DACT1: variants seen among roughly 807,000 people sequenced by gnomAD.
DACT1 encodes dishevelled binding antagonist of beta catenin 1, also known as dapper homolog 1.
In DACT1, 19 loss-of-function variants were observed where a neutral mutation model predicts 35.3. That is an observed-to-expected ratio of 0.54 (90% CI 0.38 to 0.79). The LOEUF is 0.79. DACT1 is among the 30% of genes least tolerant of loss of function. The pLI, the probability that DACT1 is intolerant of heterozygous loss-of-function variation, is 0.00. For missense variants in DACT1, 1,143 were observed against 1,057.5 expected, an observed-to-expected ratio of 1.08 and a Z score of -1.12; for synonymous variants, 545 against 466.7, an observed-to-expected ratio of 1.17 and a Z score of -2.16.
chr14:58,634,525 C>T (rs1382102675), upstream of DACT1, among the ~76,000 whole-genome samples: 35 of 152,188 alleles, frequency 2.3e-4, no homozygotes, highest in Admixed American at 2.3e-3. Flanking sequence ...GCATTAGACT[C>T]AAATGGGCTT....
rs2047589708 is a variant in DACT1, at chr14:58,638,073, A to G, written c.-130A>G. On this transcript the variant is annotated 5_prime_UTR_variant, in exon 1 of 4. Coordinates refer to ENST00000395153, the MANE Select transcript of DACT1 (RefSeq NM_001079520.2). ...GCGCAGGACTCGAGGGCTTCTAGCCACCGTCCCCGCCAGCGCCGCGCCCCG... is the reference window on the plus strand; with the variant it reads ...GCGCAGGACTCGAGGGCTTCTAGCCGCCGTCCCCGCCAGCGCCGCGCCCCG... The G allele has an allele frequency of 9.8e-7, 1 of 1,019,062 alleles. No homozygotes were observed. The highest frequency in any genetic ancestry group is 1.2e-6 in the Non-Finnish European group (1 of 806,496). The allele number at this position is 1,019,062 out of a possible 1,614,324, so 63.1% of individuals were successfully genotyped here. A position where few individuals can be genotyped will look rare whatever the true frequency, so the allele number is the denominator to read the frequency against.
At chr14:58,637,826 G>C (rs1461710615), upstream of DACT1, among the ~76,000 whole-genome samples, 1 of 151,868 alleles carries the variant, frequency 6.6e-6, no homozygotes, top group Non-Finnish European at 1.5e-5. Flanking sequence ...GGCGGCTCTG[G>C]GGGCCGGGCG....
chr14:58,645,604 G>T lies in DACT1; in HGVS notation c.870G>T (p.Trp290Cys), dbSNP rs1364120911. The change falls in exon 4 of 4, where the codon TGG becomes TGT. Residue 290 changes from tryptophan to cysteine, a missense_variant. By Grantham distance (215) the Trp-to-Cys change is radical. Transcript: ENST00000395153. ...DSSLPSPSSL[W>C]SASHPSSSKK... ...CCTTACCGTCCCCAAGCAGTCTGTG[G>T]TCTGCTTCCCATCCTTCATCCAGCA... The T allele has an allele frequency of 1.2e-6, 2 of 1,614,174 alleles. No homozygotes were observed. The highest frequency in any genetic ancestry group is 1.7e-5 in the Admixed American group (1 of 60,028).
chr14:58,646,995 T>C lies in DACT1; in HGVS notation c.2261T>C (p.Leu754Pro). The C allele has an allele frequency of 1.2e-6, 2 of 1,614,190 alleles. No individual in the cohort carries two copies. Among genetic ancestry groups the C allele is most frequent in the Non-Finnish European group, 1.7e-6 (2 of 1,180,034 alleles). The change falls in exon 4 of 4, where the codon CTG becomes CCG. Residue 754 changes from leucine (L) to proline (P), a missense_variant. Physicochemically the swap from Leu to Pro is moderately conservative, Grantham distance 98. Transcript: ENST00000395153. ...ATTTGGTCCCAGTTTGTCCAGACTC[T>C]GCCCATTCAAACGGTAACGGCCCCA... ...GLIWSQFVQTLPIQTVTAPDL... is the reference protein window; with the variant it reads ...GLIWSQFVQTPPIQTVTAPDL...
At chr14:58,642,040 G>C in intron 3 of DACT1, among the ~76,000 whole-genome samples, 1 of 152,180 alleles carries the variant, frequency 6.6e-6, no homozygotes. Context: ...AGCCTTTGCT[G>C]TTAGGTTGTC....
chr14:58,638,904 CA>C, intron 1 of DACT1: 1 of 1,024,894 alleles, frequency 9.8e-7, no homozygotes, highest in Non-Finnish European at 1.2e-6. Flanking sequence ...CAGCGGTTTG[CA>C]AACTCCCACT....
intron 3 of DACT1, among the ~76,000 whole-genome samples, chr14:58,642,550 C>T (rs544537138): frequency 3.0e-4 from 45 of 151,716 alleles, no homozygotes; most frequent in Non-Finnish European, 5.4e-4. Flanking sequence ...AAAAATCGGC[C>T]GGGTGTGGCA....
In DACT1 at chr14:58,647,328, T is replaced by G; in HGVS notation, c.*194T>G. 1 of 678,124 alleles carries G rather than the reference T, an allele frequency of 1.5e-6. No homozygotes were observed. The highest frequency in any genetic ancestry group is 2.9e-5 in the East Asian group (1 of 34,340). 42.0% of individuals were successfully genotyped at this position (678,124 alleles called of 1,614,324 possible). ...CCTTTAATGGAAGGTAAAGAATGTT[T>G]TGCTAGTTAGAAGTACATATTGAGG... On this transcript the variant is annotated 3_prime_UTR_variant, in exon 4 of 4. Coordinates refer to ENST00000395153, the MANE Select transcript of DACT1 (RefSeq NM_001079520.2).
chr14:58,637,510 G>GA (rs1370218456), upstream of DACT1, among the ~76,000 whole-genome samples: 1 of 152,238 alleles, frequency 6.6e-6, no homozygotes, highest in Non-Finnish European at 1.5e-5. Context: ...GGTGTGAGTG[G>GA]AAATGAGGAG....
At chr14:58,637,294 C>A (rs2047579582), upstream of DACT1, among the ~76,000 whole-genome samples, 1 of 152,260 alleles carries the variant, frequency 6.6e-6, no homozygotes, top group Non-Finnish European at 1.5e-5. Flanking sequence ...TCTCGCTATA[C>A]AACGACATCC....
chr14:58,634,638 T>C (rs377196993), upstream of DACT1, among the ~76,000 whole-genome samples: 3 of 152,360 alleles, frequency 2.0e-5, no homozygotes, highest in East Asian at 5.8e-4. Flanking sequence ...GAGACAGCTT[T>C]TCCCAATTAC....
Position 58,647,019 on chromosome 14 carries a change from C to T in DACT1, c.2285C>T (p.Pro762Leu), listed in dbSNP as rs1247758497. ...CTGCCCATTCAAACGGTAACGGCCCCAGACCTTCACAACCACCCCGCAAAA... is the reference window on the plus strand; with the variant it reads ...CTGCCCATTCAAACGGTAACGGCCCTAGACCTTCACAACCACCCCGCAAAA... ...QTLPIQTVTA[P>L]DLHNHPAKTF... Residue 762 changes from proline (P) to leucine (L), a missense_variant, in exon 4 of 4, where the codon CCA (proline) becomes CTA (leucine). By Grantham distance (98) the Pro-to-Leu change is moderately conservative (BLOSUM62 -3). This residue lies in a region of DACT1 where 1,054 missense variants were observed against 958.8 expected (regional missense o/e 1.10). Coordinates refer to ENST00000395153, the MANE Select transcript of DACT1 (RefSeq NM_001079520.2). 6.2e-7 allele frequency: 1 copy of T among 1,614,194 alleles called. No individual in the cohort carries two copies. Among genetic ancestry groups the T allele is most frequent in the Non-Finnish European group, 8.5e-7 (1 of 1,180,038 alleles).
In DACT1 at chr14:58,645,467, A is replaced by T. The variant is rs201587878; in HGVS notation, c.733A>T (p.Met245Leu). The T allele has an allele frequency of 1.2e-5, 19 of 1,614,076 alleles. No individual in the cohort carries two copies. Among genetic ancestry groups the T allele is most frequent in the Non-Finnish European group, 1.5e-5 (18 of 1,180,040 alleles). ...PLHAVAVQSP[M>L]FLLCLTGNPL... is the part of the protein sequence containing the mutation. ...TCATGCTGTGGCTGTGCAGAGCCCA[A>T]TGTTTCTCCTTTGTCTGACGGGCAA... The change falls in exon 4 of 4, where the codon ATG (methionine) becomes TTG (leucine). Residue 245 changes from methionine (M) to leucine (L), a missense_variant. This residue lies in a region of DACT1 where 1,054 missense variants were observed against 958.8 expected (regional missense o/e 1.10). Transcript: ENST00000395153.
At chr14:58,637,785 A>AGGGGCGC (rs1278611136), upstream of DACT1, among the ~76,000 whole-genome samples, 2 of 62,794 alleles carry the variant, frequency 3.2e-5, no homozygotes, top group African/African-American at 5.5e-5. Context: ...GGGAGGGGCG[A>AGGGGCGC]GGAGGGGCGG....
At chr14:58,639,939 TTG>T (rs1203080269) in intron 1 of DACT1, among the ~76,000 whole-genome samples, 1 of 152,274 alleles carries the variant, frequency 6.6e-6, no homozygotes, top group Admixed American at 6.5e-5. Flanking sequence ...CGCATTCCTA[TTG>T]TCCGCTTGAG....
Position 58,645,796 on chromosome 14 carries a change from C to A in DACT1, c.1062C>A (p.Asn354Lys). The A allele has an allele frequency of 6.2e-7, 1 of 1,614,244 alleles. No homozygotes were observed. Among genetic ancestry groups the A allele is most frequent in the African/African-American group, 1.3e-5 (1 of 75,070 alleles). Residue 354 changes from asparagine to lysine, a missense_variant, in exon 4 of 4, where the codon AAC (asparagine) becomes AAA (lysine). By Grantham distance (94) the Asn-to-Lys change is moderately conservative. This residue lies in a region of DACT1 where 1,054 missense variants were observed against 958.8 expected (regional missense o/e 1.10). Coordinates refer to ENST00000395153, the MANE Select transcript of DACT1 (RefSeq NM_001079520.2). ...GTGTCTCACAGGGCAACAGTGTGAA[C>A]CTTAAGAATTCGAAACAGGCGTGTC... ...PGGVSQGNSV[N>K]LKNSKQACLP...
chr14:58,645,501 G>A lies in DACT1; in HGVS notation c.767G>A (p.Arg256Lys). ...CTTTGTCTGACGGGCAACCCTCTGA[G>A]GGAAGAGGACAGGCTTGGAAACCAT... ...FLLCLTGNPL[R>K]EEDRLGNHAS... Residue 256 changes from arginine (R) to lysine (K), a missense_variant, in exon 4 of 4, where the codon AGG (arginine) becomes AAG (lysine). Transcript: ENST00000395153. The A allele has an allele frequency of 6.2e-7, 1 of 1,614,220 alleles. No homozygotes were observed. Among genetic ancestry groups the A allele is most frequent in the Non-Finnish European group, 8.5e-7 (1 of 1,180,044 alleles).
At position 58,640,679 on chromosome 14, in the gene DACT1, T is replaced by G. The variant is rs181653586; in HGVS notation, c.346-57T>G. 21 of 1,602,518 alleles carry G rather than the reference T, an allele frequency of 1.3e-5. No homozygotes were observed. The Admixed American group carries it at 3.5e-4, about 27-fold the overall frequency. On this transcript the variant is annotated intron_variant, in intron 1 of 3. Transcript: ENST00000395153. ...GTAATTTGAATCCTTAGAGTAGACT[T>G]TCTGGTTCTTTTGTCACCCCTGTAT...
intron 3 of DACT1, among the ~76,000 whole-genome samples, chr14:58,643,192 TA>T (rs1414041122): frequency 6.6e-6 from 1 of 152,230 alleles, no homozygotes; most frequent in East Asian, 1.9e-4. Context: ...CCTTCTCATC[TA>T]ACAGAAGAGG....
Sources: allele counts gnomAD v4.1 joint callset (sites outside exome capture counted in the v4.1 genomes callset), GRCh38; gene constraint gnomAD v4.1.1; regional missense constraint gnomAD v4.1.1; transcripts MANE v1.5; gene names NCBI Gene and HGNC (gene_info 2026-07-23, HGNC 2026-07-21).